The following CNTN4 variants were observed in gnomAD, a reference collection of about 807,000 sequenced individuals.
The protein encoded by CNTN4 is contactin 4, also known as contactin-4.
CNTN4 carries 77 observed loss-of-function variants against 122.5 expected under a neutral mutation model. The observed-to-expected ratio is 0.63, with a 90% CI of 0.52 to 0.76. The LOEUF is 0.76. Ranked by LOEUF, CNTN4 falls within the 30% of genes least tolerant of loss-of-function variation. The pLI is 0.00. For missense variants in CNTN4, 1,256 were observed against 1,259.1 expected, an observed-to-expected ratio of 1.00 and a Z score of 0.04; for synonymous variants, 512 against 447.0, an observed-to-expected ratio of 1.15 and a Z score of -1.83.
At chr3:2,425,476 T>G (rs886611130) in intron 3 of CNTN4, among the ~76,000 whole-genome samples, 6 of 152,202 alleles carry the variant, frequency 3.9e-5, no homozygotes, top group African/African-American at 1.4e-4. Flanking sequence ...TACTGTAGCC[T>G]TGTAGTATAG....
chr3:2,566,049 A>G (rs2079145785), intron 3 of CNTN4, among the ~76,000 whole-genome samples: 1 of 152,254 alleles, frequency 6.6e-6, no homozygotes, highest in Non-Finnish European at 1.5e-5. Context: ...TAGCCTTCCG[A>G]CAAAGTCTCA....
chr3:2,434,718 C>G (rs2048197848), intron 3 of CNTN4, among the ~76,000 whole-genome samples: 1 of 152,092 alleles, frequency 6.6e-6, no homozygotes, highest in South Asian at 2.1e-4. Flanking sequence ...TTCTCTATGA[C>G]TACAATTTTT....
chr3:2,708,125 C>G (rs750617136), intron 4 of CNTN4, among the ~76,000 whole-genome samples: 1 of 152,092 alleles, frequency 6.6e-6, no homozygotes, highest in African/African-American at 2.4e-5. Context: ...AATACATTAT[C>G]TTTAAGATTG....
intron 4 of CNTN4, among the ~76,000 whole-genome samples, chr3:2,701,340 T>C (rs1487335869): frequency 2.0e-5 from 3 of 152,122 alleles, no homozygotes; most frequent in Non-Finnish European, 2.9e-5. Context: ...ATACAGATGG[T>C]ACCTCTGTGG....
At chr3:2,950,522 AT>A (rs1322907232) in intron 13 of CNTN4, among the ~76,000 whole-genome samples, 3 of 152,154 alleles carry the variant, frequency 2.0e-5, no homozygotes. Context: ...AGATGAGGTT[AT>A]TTGCTTACCT....
chr3:2,120,351 T>TTATATATATATATATATAAA (rs1553568206), intron 2 of CNTN4, among the ~76,000 whole-genome samples: 2 of 45,980 alleles, frequency 4.3e-5, no homozygotes, highest in African/African-American at 1.3e-4. Context: ...GGCATTTAGG[T>TTATATATATATATATATAAA]TATATATATA....
rs1289563969 is a variant in CNTN4 at position 2,100,648 on chromosome 3, A to G, written c.-145+9A>G. 1 of 152,208 alleles carries G rather than the reference A, an allele frequency of 6.6e-6. No individual in the cohort carries two copies. The highest frequency in any genetic ancestry group is 1.5e-5 in the Non-Finnish European group (1 of 68,034). The allele number at this position is 152,208 out of a possible 1,614,324, so 9.4% of individuals were successfully genotyped here. A position where few individuals can be genotyped will look rare whatever the true frequency, so the allele number is the denominator to read the frequency against. On this transcript the variant is annotated intron_variant, in intron 2 of 24. Transcript: ENST00000418658. ...GAAAATTCACGTTACCCGTAAGTTT[A>G]TTCTTGCTATTTTTATCTTGATTTC...
At chr3:2,364,104 G>C (rs1006721077) in intron 3 of CNTN4, among the ~76,000 whole-genome samples, 1 of 151,922 alleles carries the variant, frequency 6.6e-6, no homozygotes, top group Non-Finnish European at 1.5e-5. Context: ...CTAGTTGGGG[G>C]CTTGGTTTGG....
chr3:3,039,750 GT>G (rs34794867), intron 19 of CNTN4: 3,922 of 354,784 alleles, frequency 0.011, no homozygotes, highest in South Asian at 0.02. Context: ...GATGTCCAGT[GT>G]TTTTTTTTTT....
intron 2 of CNTN4, among the ~76,000 whole-genome samples, chr3:2,206,795 T>C (rs2038365207): frequency 6.6e-6 from 1 of 152,114 alleles, no homozygotes; most frequent in Non-Finnish European, 1.5e-5. Flanking sequence ...ATTTAGTCTT[T>C]GTAAACTGCC....
chr3:2,554,017 G>A (rs543133479), intron 3 of CNTN4, among the ~76,000 whole-genome samples: 11 of 152,096 alleles, frequency 7.2e-5, no homozygotes, highest in African/African-American at 2.2e-4. Flanking sequence ...CTCAATAATC[G>A]GTGTACTGTA....
At chr3:2,102,648 G>A (rs1261845317) in intron 2 of CNTN4, among the ~76,000 whole-genome samples, 6 of 152,182 alleles carry the variant, frequency 3.9e-5, no homozygotes, top group Non-Finnish European at 5.9e-5. Flanking sequence ...CTTGCATCAA[G>A]CCATTGGAAA....
intron 2 of CNTN4, among the ~76,000 whole-genome samples, chr3:2,162,608 C>G (rs1469022016): frequency 6.6e-6 from 1 of 152,052 alleles, no homozygotes; most frequent in Non-Finnish European, 1.5e-5. Flanking sequence ...TTTATTGACT[C>G]AATAGTATGT....
At chr3:2,941,418 G>A (rs990929990) in intron 13 of CNTN4, among the ~76,000 whole-genome samples, 2 of 152,180 alleles carry the variant, frequency 1.3e-5, no homozygotes, top group African/African-American at 4.8e-5. Context: ...TTCTTCAGAA[G>A]GAACTCACTC....
chr3:3,001,426 A>C (rs1406521880), intron 14 of CNTN4, among the ~76,000 whole-genome samples: 1 of 152,230 alleles, frequency 6.6e-6, no homozygotes, highest in Non-Finnish European at 1.5e-5. Flanking sequence ...GCATGTTAGG[A>C]AACATCAGGT....
chr3:2,516,222 A>C (rs1169648384), intron 3 of CNTN4, among the ~76,000 whole-genome samples: 5 of 152,088 alleles, frequency 3.3e-5, no homozygotes, highest in Non-Finnish European at 7.4e-5. Context: ...TAATTTTCCA[A>C]ATCTCATAAA....
chr3:2,394,011 T>G (rs1177991824), intron 3 of CNTN4, among the ~76,000 whole-genome samples: 3 of 152,162 alleles, frequency 2.0e-5, no homozygotes, highest in Non-Finnish European at 4.4e-5. Flanking sequence ...TATTCTCATC[T>G]TACAAATAAG....
At chr3:2,350,715 A>G (rs375569829) in intron 3 of CNTN4, among the ~76,000 whole-genome samples, 32 of 152,332 alleles carry the variant, frequency 2.1e-4, no homozygotes, top group South Asian at 4.1e-4. Flanking sequence ...CTCTCAGTCA[A>G]TATTTAATTG....
chr3:2,311,003 T>C (rs1261427397), intron 2 of CNTN4, among the ~76,000 whole-genome samples: 1 of 152,140 alleles, frequency 6.6e-6, no homozygotes, highest in Non-Finnish European at 1.5e-5. Context: ...TTTCCAGACT[T>C]TTTTATTTTT....
Sources: gnomAD v4.1 joint callset for allele counts (sites outside exome capture counted in the v4.1 genomes callset) on GRCh38, gnomAD v4.1.1 for gene constraint, MANE v1.5 for transcripts, NCBI Gene and HGNC (gene_info 2026-07-23, HGNC 2026-07-21) for gene names.